Variants in PUS7L observed in about 807,000 individuals in gnomAD.
The protein encoded by PUS7L is pseudouridylate synthase PUS7L.
Under a neutral mutation model 51.1 loss-of-function variants are expected in PUS7L, and 49 were observed. The ratio of observed to expected loss-of-function variants is 0.96; its 90% CI spans 0.76 to 1.22. The LOEUF (loss-of-function observed/expected upper bound fraction) is 1.22, where lower values mean the gene tolerates loss of function less well. Ranked by LOEUF, PUS7L falls within the 50% of genes most tolerant of loss-of-function variation. PUS7L has a pLI of 0.00. For missense variants in PUS7L, 828 were observed against 820.6 expected, an observed-to-expected ratio of 1.01 and a Z score of -0.11; for synonymous variants, 277 against 276.2, an observed-to-expected ratio of 1.00 and a Z score of -0.03.
intron 4 of PUS7L, 54 bp from the exon 5 acceptor site, chr12:43,742,609 C>A: frequency 1.4e-6 from 2 of 1,479,244 alleles, no homozygotes; most frequent in South Asian, 1.3e-5. Context: ...AATTATGTGT[C>A]AAAATACACA....
intron 2 of PUS7L, among the ~76,000 whole-genome samples, chr12:43,752,892 T>G (rs1389549144): frequency 2.6e-5 from 4 of 152,224 alleles, no homozygotes; most frequent in Non-Finnish European, 5.9e-5. Flanking sequence ...TTATGTATAT[T>G]TTAATGTAAT....
In PUS7L at chr12:43,755,806, G is replaced by C. The variant is rs1938671371; in HGVS notation, c.-16-545C>G. On this transcript the variant is annotated intron_variant, in intron 1 of 8. Transcript: ENST00000344862. ...TGATTATATTTCAAGGTAGGATTAA[G>C]TCAGTCCTGGGCCTTCTCTAATGCC... is the stretch of plus-strand genomic sequence containing the variant. 2.0e-5 allele frequency among the ~76,000 whole-genome samples: 3 copies of C among 152,228 alleles called. No individual in the cohort carries two copies. In the South Asian group the frequency reaches 6.2e-4, roughly 31 times the overall value.
At chr12:43,748,836 G>A (rs978600446) in intron 2 of PUS7L, among the ~76,000 whole-genome samples, 1 of 152,058 alleles carries the variant, frequency 6.6e-6, no homozygotes, top group Non-Finnish European at 1.5e-5. Flanking sequence ...TGATTCTCCT[G>A]CCTCAGCCTC....
rs148708719 is a variant in PUS7L at position 43,746,799 on chromosome 12, CAG to C, written c.1071-563_1071-562del. Among the ~76,000 whole-genome samples, 1,273 of 152,272 alleles carry C rather than the reference CAG, an allele frequency of 8.4e-3. 16 individuals are homozygous for C. The highest frequency in any genetic ancestry group is 0.028 in the African/African-American group (1,150 of 41,542). On this transcript the variant is annotated intron_variant, in intron 3 of 8. Transcript: ENST00000344862. ...GTCCTTATAGGAATTATATACGTGA[CAG>C]ACTATTGAGTTTACTGCCCGCAAAT...
chr12:43,746,881 A>T (rs1938198224), intron 3 of PUS7L, among the ~76,000 whole-genome samples: 1 of 152,214 alleles, frequency 6.6e-6, no homozygotes, highest in African/African-American at 2.4e-5. Context: ...AAGTGTAATT[A>T]AAATTCCAGA....
chr12:43,737,351 G>A (rs1445388081), intron 6 of PUS7L, among the ~76,000 whole-genome samples: 1 of 152,064 alleles, frequency 6.6e-6, no homozygotes, highest in Non-Finnish European at 1.5e-5. Flanking sequence ...ACTCATAAGA[G>A]TTAGAAGTGT....
chr12:43,738,489 A>C, intron 5 of PUS7L, 98 bp from the exon 6 acceptor site: 1 of 672,036 alleles, frequency 1.5e-6, no homozygotes, highest in Non-Finnish European at 2.6e-6. Context: ...AAGAATAGGG[A>C]TTTAATAATT....
intron 5 of PUS7L, among the ~76,000 whole-genome samples, chr12:43,741,629 T>G (rs1937902429): frequency 6.6e-6 from 1 of 152,228 alleles, no homozygotes; most frequent in East Asian, 1.9e-4. Context: ...ATTTCTAGAC[T>G]CTTTATTATA....
intron 5 of PUS7L, chr12:43,739,191 A>G (rs1937763680): frequency 6.6e-6 from 1 of 152,290 alleles, no homozygotes; most frequent in South Asian, 2.1e-4. Flanking sequence ...TCAAAGAAAA[A>G]CAAAAAAGCA....
chr12:43,734,370 GA>G (rs941894653), intron 7 of PUS7L, among the ~76,000 whole-genome samples: 5 of 151,402 alleles, frequency 3.3e-5, no homozygotes, highest in Admixed American at 6.6e-5. Flanking sequence ...GCTGAATGAT[GA>G]AAAAAAGGAG....
At chr12:43,740,396 C>T (rs898007428) in intron 5 of PUS7L, among the ~76,000 whole-genome samples, 1 of 152,110 alleles carries the variant, frequency 6.6e-6, no homozygotes, top group Non-Finnish European at 1.5e-5. Context: ...GAGTCATGGT[C>T]TCTGTTCAAC....
In PUS7L at chr12:43,730,504, C is replaced by G. The variant is rs766938910; in HGVS notation, c.1978G>C (p.Asp660His). The G allele has an allele frequency of 2.5e-6, 4 of 1,613,838 alleles. No individual in the cohort carries two copies. The highest frequency in any genetic ancestry group is 3.4e-6 in the Non-Finnish European group (4 of 1,179,804). Residue 660 changes from aspartate (D) to histidine (H), a missense_variant, in exon 9 of 9, where the codon GAC (aspartate) becomes CAC (histidine). Transcript: ENST00000344862. ...NLSYQLMEDHDIDVKTKGSHI... is the reference protein window; with the variant it reads ...NLSYQLMEDHHIDVKTKGSHI... ...GAACCTTTCGTTTTGACATCAATGT[C>G]ATGATCTTCCATTAGTTGGTATGAG... is the stretch of plus-strand genomic sequence containing the variant.
At position 43,742,504 on chromosome 12, in the gene PUS7L, T is replaced by C. The variant is rs779964314; in HGVS notation, c.1315A>G (p.Lys439Glu). The C allele has an allele frequency of 1.2e-5, 19 of 1,610,268 alleles. No homozygotes were observed. In the South Asian group the frequency reaches 1.4e-4, roughly 12 times the overall value. ...AGTCCAATTTGGTCTGTGTGAACTT[T>C]CCTTCCCTTCCCAAATCTCTGTGGT... ...YGPQRFGKGRKVHTDQIGLAL... is the reference protein window; with the variant it reads ...YGPQRFGKGREVHTDQIGLAL... Residue 439 changes from lysine (K) to glutamate (E), a missense_variant, in exon 5 of 9, where the codon AAA becomes GAA. By Grantham distance (56) the Lys-to-Glu change is moderately conservative (BLOSUM62 1). Coordinates refer to ENST00000344862, the MANE Select transcript of PUS7L (RefSeq NM_031292.5).
chr12:43,751,251 GGTTT>G (rs992920651), intron 2 of PUS7L, among the ~76,000 whole-genome samples: 19 of 151,682 alleles, frequency 1.3e-4, no homozygotes, highest in African/African-American at 3.9e-4. Context: ...ACAACATGCA[GGTTT>G]GTTACATATG....
chr12:43,723,471 T>C lies in PUS7L; in HGVS notation c.*6905A>G, dbSNP rs1276200107. 6.6e-6 allele frequency: 1 copy of C among 152,110 alleles called. No homozygotes were observed. Among genetic ancestry groups the C allele is most frequent in the Non-Finnish European group, 1.5e-5 (1 of 67,954 alleles). 9.4% of individuals were successfully genotyped at this position (152,110 alleles called of 1,614,324 possible). A position where few individuals can be genotyped will look rare whatever the true frequency, so the allele number is the denominator to read the frequency against. ...TAGAATGGAGTGCTGAGAGGTCAAG[T>C]AACATATTATTGGTCATACAGTGAG... On this transcript the variant is annotated 3_prime_UTR_variant, in exon 9 of 9. Transcript: ENST00000344862.
At position 43,723,478 on chromosome 12, in the gene PUS7L, T is replaced by C. The variant is rs1944420555; in HGVS notation, c.*6898A>G. The C allele has an allele frequency of 6.6e-6, 1 of 152,130 alleles. No homozygotes were observed. Among genetic ancestry groups the C allele is most frequent in the South Asian group, 2.1e-4 (1 of 4,836 alleles). The allele number at this position is 152,130 out of a possible 1,614,324, so 9.4% of individuals were successfully genotyped here. A position where few individuals can be genotyped will look rare whatever the true frequency, so the allele number is the denominator to read the frequency against. On this transcript the variant is annotated 3_prime_UTR_variant, in exon 9 of 9. Transcript: ENST00000344862. ...GAGTGCTGAGAGGTCAAGTAACATATTATTGGTCATACAGTGAGCTGTAAG... is the reference window on the plus strand; with the variant it reads ...GAGTGCTGAGAGGTCAAGTAACATACTATTGGTCATACAGTGAGCTGTAAG...
At position 43,748,575 on chromosome 12, in the gene PUS7L, A is replaced by G; in HGVS notation, c.945T>C (p.Phe315=). ...FTLRKENLEM[F]EAIGFLAIKL... ...TGATAGCTAAAAAACCAATCGCTTCAAACATTTCCAGGTTTTCCTTTCGTA... is the reference window on the plus strand; with the variant it reads ...TGATAGCTAAAAAACCAATCGCTTCGAACATTTCCAGGTTTTCCTTTCGTA... The change falls in exon 3 of 9, where the codon TTT becomes TTC. Residue 315 remains phenylalanine, a synonymous_variant. Transcript: ENST00000344862. 6.3e-7 allele frequency: 1 copy of G among 1,598,988 alleles called. No individual in the cohort carries two copies. The highest frequency in any genetic ancestry group is 8.5e-7 in the Non-Finnish European group (1 of 1,176,376).
rs373157841 is a variant in PUS7L, at chr12:43,754,418, TACC to T, written c.825_827del (p.Val276del). 219 of 1,613,720 alleles carry T rather than the reference TACC, an allele frequency of 1.4e-4. 1 individual carries two copies. The African/African-American group carries it at 2.6e-3, about 19-fold the overall frequency. On this transcript the variant is annotated inframe_deletion, in exon 2 of 9. Transcript: ENST00000344862. ...GTGCTTTTTCCCGAAATCTTACTGT[TACC>T]ACCACATTCGGATTACCAGCACTGC...
intron 4 of PUS7L, among the ~76,000 whole-genome samples, chr12:43,744,364 GAGTGAGTTCTCACGAT>G (rs917945328): frequency 7.9e-5 from 12 of 152,234 alleles, no homozygotes; most frequent in African/African-American, 2.2e-4. Context: ...GTTCTCATGA[GAGTGAGTTCTCACGAT>G]AGTGAGTTCT....
Sources: allele counts gnomAD v4.1 joint callset (sites outside exome capture counted in the v4.1 genomes callset), GRCh38; gene constraint gnomAD v4.1.1; transcripts MANE v1.5; gene names NCBI Gene and HGNC (gene_info 2026-07-23, HGNC 2026-07-21).